The following ABCC1 variants were observed in gnomAD, a reference collection of about 807,000 sequenced individuals.
The protein encoded by ABCC1 is ATP binding cassette subfamily C member 1 (ABCC1 blood group).
Under a neutral mutation model 172.9 loss-of-function variants are expected in ABCC1, and 83 were observed. That is an observed-to-expected ratio of 0.48 (90% CI 0.40 to 0.58). The LOEUF is 0.58. Ranked by LOEUF, ABCC1 falls within the 20% of genes least tolerant of loss-of-function variation. ABCC1 has a pLI of 0.00. For missense variants in ABCC1, 1,817 were observed against 2,002.7 expected, an observed-to-expected ratio of 0.91 and a Z score of 1.77; for synonymous variants, 937 against 825.2, an observed-to-expected ratio of 1.14 and a Z score of -2.32.
intron 1 of ABCC1, among the ~76,000 whole-genome samples, chr16:16,001,131 G>A (rs1438845398): frequency 6.6e-6 from 1 of 152,154 alleles, no homozygotes; most frequent in Non-Finnish European, 1.5e-5. Context: ...GGAACAGGGT[G>A]GGAGAAATTG....
At chr16:15,976,417 C>A (rs1208731927) in intron 1 of ABCC1, among the ~76,000 whole-genome samples, 2 of 152,194 alleles carry the variant, frequency 1.3e-5, no homozygotes, top group African/African-American at 4.8e-5. Context: ...GTGATTGTTT[C>A]TACCTTATGG....
intron 14 of ABCC1, among the ~76,000 whole-genome samples, chr16:16,075,167 A>G: frequency 6.6e-6 from 1 of 150,958 alleles, no homozygotes; most frequent in East Asian, 2.0e-4. Flanking sequence ...CTGGTCTCGA[A>G]CTCCTGACAT....
chr16:16,120,961 A>G (rs2045125948), intron 23 of ABCC1, among the ~76,000 whole-genome samples: 1 of 152,156 alleles, frequency 6.6e-6, no homozygotes, highest in South Asian at 2.1e-4. Context: ...CAGCTAACTG[A>G]ATGCTTACTG....
intron 9 of ABCC1, among the ~76,000 whole-genome samples, chr16:16,046,635 G>A (rs1247365586): frequency 5.3e-5 from 8 of 151,970 alleles, no homozygotes; most frequent in African/African-American, 1.9e-4. Flanking sequence ...ATGAGCCACC[G>A]CGCCCAGCCT....
intron 17 of ABCC1, among the ~76,000 whole-genome samples, chr16:16,085,449 A>G (rs1183615838): frequency 6.6e-6 from 1 of 152,212 alleles, no homozygotes; most frequent in Non-Finnish European, 1.5e-5. Flanking sequence ...AATGATGTTT[A>G]AAAATTGAGA....
rs549123848 is a variant in ABCC1 at position 16,111,628 on chromosome 16, T to G, written c.3079+46T>G. The G allele has an allele frequency of 3.0e-4, 471 of 1,549,144 alleles. 2 individuals are homozygous for G. The highest frequency in any genetic ancestry group is 3.0e-4 in the East Asian group (13 of 43,380). ...CCCCGCCTGATTTGGGCCCCTGTTG[T>G]GGCTTTGTCTAATTATAGAAATGGA... On this transcript the variant is annotated intron_variant, in intron 22 of 30. Coordinates refer to ENST00000399410, the MANE Select transcript of ABCC1 (RefSeq NM_004996.4).
rs542108588 is a variant in ABCC1 at position 16,098,550 on chromosome 16, C to T, written c.2645-4077C>T. 3.2e-4 allele frequency among the ~76,000 whole-genome samples: 48 copies of T among 152,304 alleles called. No homozygotes were observed. The South Asian group carries it at 4.1e-3, about 13-fold the overall frequency. On this transcript the variant is annotated intron_variant, in intron 19 of 30. Coordinates refer to ENST00000399410, the MANE Select transcript of ABCC1 (RefSeq NM_004996.4). The stretch of plus-strand genomic sequence containing the variant: ...TGGAGAATTGCTTGAACCTGGGTGG[C>T]GGAGGTTGCGGTGAGCTAAGATCAC...
chr16:16,037,097 G>C (rs951995540), intron 7 of ABCC1, among the ~76,000 whole-genome samples: 1 of 149,814 alleles, frequency 6.7e-6, no homozygotes, highest in East Asian at 1.9e-4. Flanking sequence ...GTGAGACTCC[G>C]TCTCAAAAAA....
intron 1 of ABCC1, among the ~76,000 whole-genome samples, chr16:15,999,661 T>C (rs1366553968): frequency 6.7e-6 from 1 of 149,720 alleles, no homozygotes; most frequent in Non-Finnish European, 1.5e-5. Flanking sequence ...AAATGGGGTC[T>C]CACTGTGTTG....
chr16:15,982,869 G>A (rs2151592862), intron 1 of ABCC1, among the ~76,000 whole-genome samples: 1 of 143,942 alleles, frequency 6.9e-6, no homozygotes, highest in South Asian at 2.3e-4. Context: ...GCAGGCAGCA[G>A]GCTGAATTTG....
At chr16:15,992,056 T>C (rs977239585) in intron 1 of ABCC1, among the ~76,000 whole-genome samples, 1 of 152,104 alleles carries the variant, frequency 6.6e-6, no homozygotes, top group African/African-American at 2.4e-5. Flanking sequence ...CTCTGCCTCC[T>C]GTCAGATCAC....
At chr16:16,024,980 C>G (rs1287818141) in intron 5 of ABCC1, among the ~76,000 whole-genome samples, 1 of 152,038 alleles carries the variant, frequency 6.6e-6, no homozygotes, top group Admixed American at 6.6e-5. Flanking sequence ...ATCTGGTCAA[C>G]ATAGTGAGAC....
intron 23 of ABCC1, among the ~76,000 whole-genome samples, chr16:16,120,220 G>T (rs2045090810): frequency 6.6e-6 from 1 of 151,888 alleles, no homozygotes; most frequent in African/African-American, 2.4e-5. Context: ...GATGCAGGGA[G>T]GCCGAGTTCC....
chr16:15,979,022 G>C (rs1263825515), intron 1 of ABCC1, among the ~76,000 whole-genome samples: 2 of 152,130 alleles, frequency 1.3e-5, no homozygotes, highest in African/African-American at 2.4e-5. Flanking sequence ...GCCAGGCGTG[G>C]TGGCTCACAC....
At chr16:16,109,917 A>G (rs2052311689) in intron 21 of ABCC1, among the ~76,000 whole-genome samples, 2 of 152,084 alleles carry the variant, frequency 1.3e-5, no homozygotes, top group South Asian at 2.1e-4. Flanking sequence ...CGAGTCTCCC[A>G]TGCCATGTGT....
intron 1 of ABCC1, among the ~76,000 whole-genome samples, chr16:15,999,366 A>G (rs2047166978): frequency 6.6e-6 from 1 of 151,834 alleles, no homozygotes. Context: ...CTGTAGTCCC[A>G]GCACTTTGGG....
intron 18 of ABCC1, among the ~76,000 whole-genome samples, chr16:16,087,289 A>G (rs2051048705): frequency 6.6e-6 from 1 of 152,184 alleles, no homozygotes. Flanking sequence ...TCCCACTCCA[A>G]GACATTGCCT....
At chr16:15,971,933 C>T (rs924334823) in intron 1 of ABCC1, among the ~76,000 whole-genome samples, 5 of 152,028 alleles carry the variant, frequency 3.3e-5, no homozygotes, top group African/African-American at 1.2e-4. Context: ...AGAAGGTCCC[C>T]TGTACAGAGA....
intron 14 of ABCC1, among the ~76,000 whole-genome samples, chr16:16,075,247 CTTTTG>C (rs1472783280): frequency 6.6e-6 from 1 of 151,946 alleles, no homozygotes; most frequent in East Asian, 1.9e-4. Context: ...GACTGGCCTG[CTTTTG>C]TTTTAAGTGA....
Sources: allele counts gnomAD v4.1 joint callset (sites outside exome capture counted in the v4.1 genomes callset), GRCh38; gene constraint gnomAD v4.1.1; transcripts MANE v1.5; gene names NCBI Gene and HGNC (gene_info 2026-07-23, HGNC 2026-07-21).